Variants in FBXL7 observed in about 807,000 individuals in gnomAD.
FBXL7 encodes the protein F-box and leucine rich repeat protein 7, also known as F-box/LRR-repeat protein 7.
A neutral mutation model predicts 38.3 loss-of-function variants in FBXL7; 12 were observed. The observed-to-expected ratio is 0.31, with a 90% CI of 0.20 to 0.51. The LOEUF (loss-of-function observed/expected upper bound fraction) is 0.51, where lower values mean the gene tolerates loss of function less well. FBXL7 is among the 20% of genes least tolerant of loss of function. FBXL7 has a pLI of 0.98. For synonymous variants in FBXL7, 297 were observed against 300.9 expected, an observed-to-expected ratio of 0.99 and a Z score of 0.13; for missense variants, 567 against 676.4, an observed-to-expected ratio of 0.84 and a Z score of 1.79.
At chr5:15,924,826 C>T (rs916755779) in intron 2 of FBXL7, among the ~76,000 whole-genome samples, 29 of 152,160 alleles carry the variant, frequency 1.9e-4, no homozygotes, top group African/African-American at 6.5e-4. Context: ...AGGTTTTTGC[C>T]ATTCTGGCCA....
At chr5:15,722,320 C>T (rs1744219566) in intron 2 of FBXL7, among the ~76,000 whole-genome samples, 1 of 152,170 alleles carries the variant, frequency 6.6e-6, no homozygotes, top group South Asian at 2.1e-4. Flanking sequence ...TGGAATCACT[C>T]ATTCCTATCC....
chr5:15,830,899 G>A lies in FBXL7; in HGVS notation c.128-96991G>A, dbSNP rs113068825. Among the ~76,000 whole-genome samples the A allele has an allele frequency of 7.5e-3, 1,139 of 152,128 alleles. 15 individuals carry two copies. Among genetic ancestry groups the A allele is most frequent in the African/African-American group, 0.026 (1,072 of 41,532 alleles). The stretch of plus-strand genomic sequence containing the variant: ...GGAGCTGCCCATTGCCCACCCGAGG[G>A]CAGATTCCCTCCCCTTGTTCTTTTT... On this transcript the variant is annotated intron_variant, in intron 2 of 3. Coordinates refer to ENST00000504595, the MANE Select transcript of FBXL7 (RefSeq NM_012304.5).
intron 1 of FBXL7, among the ~76,000 whole-genome samples, chr5:15,612,891 T>G (rs1350256669): frequency 1.3e-5 from 2 of 152,214 alleles, no homozygotes; most frequent in Non-Finnish European, 2.9e-5. Context: ...TATTTAAATT[T>G]TGAAAGACAG....
chr5:15,526,147 G>T (rs968219923), intron 1 of FBXL7, among the ~76,000 whole-genome samples: 5 of 152,132 alleles, frequency 3.3e-5, no homozygotes, highest in African/African-American at 1.2e-4. Context: ...TAATGTGTGA[G>T]GTCAGAGGGA....
At chr5:15,831,100 A>T (rs1738445655) in intron 2 of FBXL7, among the ~76,000 whole-genome samples, 1 of 152,112 alleles carries the variant, frequency 6.6e-6, no homozygotes, top group African/African-American at 2.4e-5. Flanking sequence ...AACTGGCATC[A>T]CTCATGAACT....
At chr5:15,732,703 C>G (rs981485456) in intron 2 of FBXL7, among the ~76,000 whole-genome samples, 19 of 152,214 alleles carry the variant, frequency 1.2e-4, no homozygotes, top group African/African-American at 4.3e-4. Flanking sequence ...GCAATATCCT[C>G]CTATTTGGAA....
chr5:15,835,172 A>G (rs1738561072), intron 2 of FBXL7, among the ~76,000 whole-genome samples: 1 of 152,322 alleles, frequency 6.6e-6, no homozygotes, highest in South Asian at 2.1e-4. Flanking sequence ...GATGAATGCT[A>G]TAATTTTTAA....
In FBXL7 at chr5:15,517,095, C is replaced by T. The variant is rs973459120; in HGVS notation, c.37+16382C>T. Among the ~76,000 whole-genome samples, 9 of 151,632 alleles carry T rather than the reference C, an allele frequency of 5.9e-5. No individual in the cohort carries two copies. The East Asian group carries it at 1.2e-3, about 20-fold the overall frequency. ...AGGCTGGAGTGCAGTGGCGGGATCT[C>T]GGCTCACTGCAAGCTCCGCCTCCCG... On this transcript the variant is annotated intron_variant, in intron 1 of 3. Coordinates refer to ENST00000504595, the MANE Select transcript of FBXL7 (RefSeq NM_012304.5).
In FBXL7 at chr5:15,938,850, T is replaced by G; in HGVS notation, c.*1664T>G. On this transcript the variant is annotated 3_prime_UTR_variant, in exon 4 of 4. Transcript: ENST00000504595. ...ATTGCTGGTTTTCACGAAATTCACT[T>G]GTCTTTTGCTAATAAACACATGGCC... The G allele has an allele frequency of 2.5e-6, 1 of 397,150 alleles. No individual in the cohort carries two copies. Among genetic ancestry groups the G allele is most frequent in the Non-Finnish European group, 4.4e-6 (1 of 225,586 alleles). 24.6% of individuals were successfully genotyped at this position (397,150 alleles called of 1,614,324 possible).
At chr5:15,929,566 G>T (rs1247136228) in intron 3 of FBXL7, among the ~76,000 whole-genome samples, 1 of 149,934 alleles carries the variant, frequency 6.7e-6, no homozygotes, top group Non-Finnish European at 1.5e-5. Context: ...CGAAGCTGCA[G>T]TGAACTATGA....
chr5:15,793,928 C>T (rs550751928), intron 2 of FBXL7, among the ~76,000 whole-genome samples: 2 of 152,324 alleles, frequency 1.3e-5, no homozygotes. Context: ...CCATGTGCGC[C>T]TCTCCCATGT....
chr5:15,661,105 G>A (rs1742053097), intron 2 of FBXL7, among the ~76,000 whole-genome samples: 1 of 152,114 alleles, frequency 6.6e-6, no homozygotes, highest in Admixed American at 6.6e-5. Flanking sequence ...ATATCTGACT[G>A]TTAGGAAGCA....
At chr5:15,550,094 T>C (rs1738019376) in intron 1 of FBXL7, among the ~76,000 whole-genome samples, 1 of 152,224 alleles carries the variant, frequency 6.6e-6, no homozygotes, top group Non-Finnish European at 1.5e-5. Flanking sequence ...GCTAACTATG[T>C]TGAAATACTA....
intron 1 of FBXL7, among the ~76,000 whole-genome samples, chr5:15,512,653 A>G (rs1462722002): frequency 6.6e-6 from 1 of 152,180 alleles, no homozygotes; most frequent in Non-Finnish European, 1.5e-5. Flanking sequence ...TATAGATGAA[A>G]ATAGTTTTGC....
chr5:15,582,047 C>T (rs1444759163), intron 1 of FBXL7, among the ~76,000 whole-genome samples: 1 of 152,180 alleles, frequency 6.6e-6, no homozygotes, highest in Non-Finnish European at 1.5e-5. Flanking sequence ...AGGCGATCCT[C>T]CTGCCTCAGC....
At chr5:15,657,842 TAA>T (rs70938025) in intron 2 of FBXL7, among the ~76,000 whole-genome samples, 5 of 146,868 alleles carry the variant, frequency 3.4e-5, no homozygotes, top group Non-Finnish European at 3.0e-5. Flanking sequence ...TTGTCTAAAT[TAA>T]AAAAAAAAAA....
chr5:15,681,483 A>C (rs1024595297), intron 2 of FBXL7, among the ~76,000 whole-genome samples: 8 of 152,238 alleles, frequency 5.3e-5, no homozygotes, highest in Non-Finnish European at 1.2e-4. Context: ...AGATTTGTCA[A>C]ATTAGATGTT....
chr5:15,703,407 A>G (rs1463827396), intron 2 of FBXL7, among the ~76,000 whole-genome samples: 1 of 152,200 alleles, frequency 6.6e-6, no homozygotes, highest in Non-Finnish European at 1.5e-5. Context: ...TTTTTCTGGA[A>G]TTAACTTTAT....
chr5:15,611,677 C>T (rs1373550850), intron 1 of FBXL7, among the ~76,000 whole-genome samples: 1 of 152,086 alleles, frequency 6.6e-6, no homozygotes. Context: ...CTAAATATCT[C>T]AAGTTATGAG....
Sources: allele counts gnomAD v4.1 joint callset (sites outside exome capture counted in the v4.1 genomes callset), GRCh38; gene constraint gnomAD v4.1.1; transcripts MANE v1.5; gene names NCBI Gene and HGNC (gene_info 2026-07-23, HGNC 2026-07-21).